Variants in LIG3 observed in about 807,000 individuals in gnomAD.
LIG3 encodes the protein DNA ligase 3.
In LIG3, 58 loss-of-function variants were observed where a neutral mutation model predicts 110.9. The ratio of observed to expected loss-of-function variants is 0.52; its 90% CI spans 0.42 to 0.65. The LOEUF (loss-of-function observed/expected upper bound fraction) is 0.65. Ranked by LOEUF, LIG3 falls within the 30% of genes least tolerant of loss-of-function variation. LIG3 has a pLI of 0.00. For synonymous variants in LIG3, 422 were observed against 472.8 expected (o/e 0.89, Z 1.39); for missense variants, 1,094 against 1,273.8 (o/e 0.86, Z 2.15).
intron 1 of LIG3, 99 bp downstream of exon 1, chr17:34,980,721 C>T: frequency 1.6e-6 from 1 of 627,424 alleles, no homozygotes; most frequent in Non-Finnish European, 2.0e-6. Context: ...GAGCCAGCCC[C>T]CCGGCTCCTC....
chr17:35,005,915 G>T lies in LIG3; in HGVS notation c.*1409G>T. On this transcript the variant is annotated 3_prime_UTR_variant, in exon 20 of 20. Transcript: ENST00000378526. ...GAAGCTCGGACTAGAATTTCTTCTT[G>T]GTATCAGAGAGACAAGTTTATCACA... 1 of 314,972 alleles carries T rather than the reference G, an allele frequency of 3.2e-6. No individual in the cohort carries two copies. Among genetic ancestry groups the T allele is most frequent in the South Asian group, 2.9e-5 (1 of 34,524 alleles). The allele number at this position is 314,972 out of a possible 1,614,324, so 19.5% of individuals were successfully genotyped here. A position where few individuals can be genotyped will look rare whatever the true frequency, so the allele number is the denominator to read the frequency against.
chr17:34,992,913 G>A (rs1375962008), intron 8 of LIG3, among the ~76,000 whole-genome samples: 5 of 152,136 alleles, frequency 3.3e-5, no homozygotes, highest in Non-Finnish European at 5.9e-5. Flanking sequence ...GCCCAGCTAC[G>A]CCACCAAGAT....
chr17:34,999,703 T>A (rs1285324669), intron 15 of LIG3, 79 bp from the exon 16 acceptor site: 1 of 1,339,498 alleles, frequency 7.5e-7, no homozygotes, highest in East Asian at 2.3e-5. Context: ...TGGCTTCTTA[T>A]AATCTCATTA....
chr17:35,004,302 G>T lies in LIG3; in HGVS notation c.2826G>T (p.Arg942=). 6.2e-7 allele frequency: 1 copy of T among 1,614,150 alleles called. No homozygotes were observed. The highest frequency in any genetic ancestry group is 8.5e-7 in the Non-Finnish European group (1 of 1,180,026). ...TGCTGGACATCTTCACTGGGGTGCGGCTTTACTTGCCACCCTCCACACCAG... is the reference window on the plus strand; with the variant it reads ...TGCTGGACATCTTCACTGGGGTGCGTCTTTACTTGCCACCCTCCACACCAG... ...KVLLDIFTGV[R]LYLPPSTPDF... The change falls in exon 20 of 20, where the codon CGG becomes CGT. Residue 942 remains arginine (R), a synonymous_variant. Transcript: ENST00000378526.
chr17:34,984,781 C>CTT (rs35202391), intron 2 of LIG3, among the ~76,000 whole-genome samples: 2 of 139,078 alleles, frequency 1.4e-5, no homozygotes, highest in Non-Finnish European at 1.6e-5. Flanking sequence ...TCTGTTTCTT[C>CTT]TTTTTTTTTT....
chr17:34,991,531 T>C, intron 5 of LIG3, 140 bp from the exon 6 acceptor site: 1 of 780,772 alleles, frequency 1.3e-6, no homozygotes, highest in Non-Finnish European at 2.1e-6. Context: ...GGCTAGTGTC[T>C]CTAAGAAGTG....
At chr17:34,986,223 C>A in intron 3 of LIG3, 92 bp downstream of exon 3, 1 of 1,234,076 alleles carries the variant, frequency 8.1e-7, no homozygotes, top group Non-Finnish European at 1.2e-6. Flanking sequence ...AAATTCTGTG[C>A]TATCTCATCT....
intron 5 of LIG3, 99 bp from the exon 6 acceptor site, chr17:34,991,572 A>G (rs1297583769): frequency 8.7e-6 from 10 of 1,155,546 alleles, no homozygotes; most frequent in Admixed American, 5.6e-5. Flanking sequence ...GATAGGAGCT[A>G]TGATTGAAAT....
At chr17:34,994,915 T>C (rs1291559014) in intron 9 of LIG3, among the ~76,000 whole-genome samples, 1 of 152,230 alleles carries the variant, frequency 6.6e-6, no homozygotes, top group East Asian at 1.9e-4. Flanking sequence ...CCATGAAGTT[T>C]ACATTCTGAT....
Position 34,999,741 on chromosome 17 carries a change from C to T in LIG3, c.2257-41C>T, listed in dbSNP as rs3136014. ...AAGAGAAGGGATTTAAGCCTTGTTC[C>T]AGGTTGGGAACAGCCCAAAGTAGCA... On this transcript the variant is annotated intron_variant, in intron 15 of 19. Coordinates refer to ENST00000378526, the MANE Select transcript of LIG3 (RefSeq NM_013975.4). 7,602 of 1,537,398 alleles carry T rather than the reference C, an allele frequency of 4.9e-3. 315 individuals are homozygous for T. In the African/African-American group the frequency reaches 0.089, roughly 18 times the overall value.
intron 1 of LIG3, among the ~76,000 whole-genome samples, chr17:34,982,737 G>A (rs2090611359): frequency 6.6e-6 from 1 of 151,824 alleles, no homozygotes; most frequent in Non-Finnish European, 1.5e-5. Flanking sequence ...GGCCTAAAAA[G>A]AGCTTTTATG....
chr17:34,983,465 A>G lies in LIG3; in HGVS notation c.460A>G (p.Thr154Ala), dbSNP rs756221253. ...GAAACTAGAGCGGGCCCGGGCCACC[A>G]CAAAAAAAATCGAGGACCTCACAGA... ...FEKLERARAT[T>A]KKIEDLTELE... The change falls in exon 2 of 20, where the codon ACA becomes GCA. Residue 154 changes from threonine to alanine, a missense_variant. Physicochemically the swap from Thr to Ala is moderately conservative, Grantham distance 58. Coordinates refer to ENST00000378526, the MANE Select transcript of LIG3 (RefSeq NM_013975.4). The G allele has an allele frequency of 6.2e-7, 1 of 1,614,162 alleles. No homozygotes were observed. The highest frequency in any genetic ancestry group is 1.1e-5 in the South Asian group (1 of 91,066).
chr17:35,004,310 T>G lies in LIG3; in HGVS notation c.2834T>G (p.Leu945Trp), dbSNP rs776482870. 6.2e-7 allele frequency: 1 copy of G among 1,614,174 alleles called. No individual in the cohort carries two copies. The highest frequency in any genetic ancestry group is 8.5e-7 in the Non-Finnish European group (1 of 1,180,022). ...LDIFTGVRLY[L>W]PPSTPDFSRL... ...ATCTTCACTGGGGTGCGGCTTTACTTGCCACCCTCCACACCAGACTTCAGC... is the reference window on the plus strand; with the variant it reads ...ATCTTCACTGGGGTGCGGCTTTACTGGCCACCCTCCACACCAGACTTCAGC... The change falls in exon 20 of 20, where the codon TTG becomes TGG. Residue 945 changes from leucine (L) to tryptophan (W), a missense_variant. Physicochemically the swap from Leu to Trp is moderately conservative, Grantham distance 61. Coordinates refer to ENST00000378526, the MANE Select transcript of LIG3 (RefSeq NM_013975.4).
Position 34,998,607 on chromosome 17 carries a change from A to C in LIG3, c.1993A>C (p.Thr665Pro). 6.2e-7 allele frequency: 1 copy of C among 1,614,080 alleles called. No homozygotes were observed. Among genetic ancestry groups the C allele is most frequent in the Non-Finnish European group, 8.5e-7 (1 of 1,179,954 alleles). ...EGLVLKDVKG[T>P]YEPGKRHWLK... ...TCTCTCTTTTGCTTCCCTTCAGGGT[A>C]CATATGAGCCTGGGAAGCGGCACTG... The change falls in exon 14 of 20, where the codon ACA (threonine) becomes CCA (proline). Residue 665 changes from threonine to proline, a missense_variant. Physicochemically the swap from Thr to Pro is conservative, Grantham distance 38. Transcript: ENST00000378526.
intron 7 of LIG3, among the ~76,000 whole-genome samples, chr17:34,992,295 G>A (rs368013904): frequency 3.9e-5 from 6 of 152,334 alleles, no homozygotes; most frequent in African/African-American, 1.2e-4. Context: ...TGAGTCTCTT[G>A]CCTACTCCAG....
At position 35,009,710 on chromosome 17, in the gene LIG3, T is replaced by A. The variant is rs1366604358; in HGVS notation, c.*5204T>A. On this transcript the variant is annotated 3_prime_UTR_variant, in exon 20 of 20. Transcript: ENST00000378526. Reference sequence around the variant, plus strand: ...CCTCAGTTTTAATTCTTACTGAGGTTACTAACCAGCTATCAGTATATTATT... The same window carrying A: ...CCTCAGTTTTAATTCTTACTGAGGTAACTAACCAGCTATCAGTATATTATT... 1 of 152,242 alleles carries A rather than the reference T, an allele frequency of 6.6e-6. No homozygotes were observed. The highest frequency in any genetic ancestry group is 2.4e-5 in the African/African-American group (1 of 41,442). The allele number at this position is 152,242 out of a possible 1,614,324, so 9.4% of individuals were successfully genotyped here.
chr17:34,992,722 C>T, intron 8 of LIG3, 30 bp downstream of exon 8: 16 of 1,534,338 alleles, frequency 1.0e-5, no homozygotes, highest in Non-Finnish European at 1.4e-5. Context: ...CTCTGCTTTC[C>T]AGCCTCTCCA....
rs1367259240 is a variant in LIG3 at position 35,009,471 on chromosome 17, G to A, written c.*4965G>A. ...TCATTAAAACCAAGGATCCATGAGG[G>A]GCAGAAGGGAGGATTCAAAGATTTA... On this transcript the variant is annotated 3_prime_UTR_variant, in exon 20 of 20. Coordinates refer to ENST00000378526, the MANE Select transcript of LIG3 (RefSeq NM_013975.4). 1 of 151,170 alleles carries A rather than the reference G, an allele frequency of 6.6e-6. No homozygotes were observed. The highest frequency in any genetic ancestry group is 1.5e-5 in the Non-Finnish European group (1 of 67,866). 9.4% of individuals were successfully genotyped at this position (151,170 alleles called of 1,614,324 possible).
Position 35,006,392 on chromosome 17 carries a change from A to G in LIG3, c.*1886A>G, listed in dbSNP as rs2090895450. ...ACGGAGTTCAGATCAGACTCCTGAA[A>G]CTTAATGGCTCTAACCTTAGGCAAG... On this transcript the variant is annotated 3_prime_UTR_variant, in exon 20 of 20. Transcript: ENST00000378526. 6.6e-6 allele frequency: 1 copy of G among 152,366 alleles called. No homozygotes were observed. The allele number at this position is 152,366 out of a possible 1,614,324, so 9.4% of individuals were successfully genotyped here.
Sources: allele counts gnomAD v4.1 joint callset (sites outside exome capture counted in the v4.1 genomes callset), GRCh38; gene constraint gnomAD v4.1.1; transcripts MANE v1.5; gene names NCBI Gene and HGNC (gene_info 2026-07-23, HGNC 2026-07-21).